The following VPS51 variants were observed in gnomAD, a reference collection of about 807,000 sequenced individuals.
VPS51 encodes vacuolar protein sorting-associated protein 51 homolog.
In VPS51, 55 loss-of-function variants were observed where a neutral mutation model predicts 65.1. The observed-to-expected ratio is 0.84, with a 90% CI of 0.68 to 1.06. The LOEUF (loss-of-function observed/expected upper bound fraction) is 1.06, where lower values mean the gene tolerates loss of function less well. Ranked by LOEUF, VPS51 falls within the 50% of genes least tolerant of loss-of-function variation. The pLI, the probability that VPS51 is intolerant of heterozygous loss-of-function variation, is 0.00. For synonymous variants in VPS51, 473 were observed against 489.5 expected (o/e 0.97, Z 0.44); for missense variants, 943 against 1,101.6 (o/e 0.86, Z 2.04).
chr11:65,096,234 G>T lies in VPS51; in HGVS notation c.-17G>T. The T allele has an allele frequency of 6.5e-7, 1 of 1,526,796 alleles. No individual in the cohort carries two copies. The highest frequency in any genetic ancestry group is 1.2e-5 in the South Asian group (1 of 82,866). The allele number at this position is 1,526,796 out of a possible 1,614,324, so 94.6% of individuals were successfully genotyped here. ...CCTTCCTTTCCAGCCTCACGCCCGT[G>T]GGCTGCAGTTGGAACGATGGCGGCG... On this transcript the variant is annotated 5_prime_UTR_variant, in exon 1 of 10. Transcript: ENST00000279281.
chr11:65,096,953 C>T (rs767645867), intron 1 of VPS51, 45 bp from the exon 2 acceptor site: 1 of 1,609,050 alleles, frequency 6.2e-7, no homozygotes, highest in East Asian at 2.2e-5. Flanking sequence ...GGCTGGGGGA[C>T]ATGAATGCCT....
chr11:65,104,535 A>G (rs1947829542), intron 2 of VPS51, among the ~76,000 whole-genome samples: 1 of 152,244 alleles, frequency 6.6e-6, no homozygotes, highest in African/African-American at 2.4e-5. Context: ...GCAAATTATT[A>G]TGAGATCCTC....
intron 2 of VPS51, among the ~76,000 whole-genome samples, chr11:65,098,837 A>C (rs1947788614): frequency 6.6e-6 from 1 of 152,210 alleles, no homozygotes; most frequent in African/African-American, 2.4e-5. Context: ...TACATCCCAC[A>C]AAAGGAACAA....
Position 65,096,320 on chromosome 11 carries a change from G to C in VPS51, c.70G>C (p.Gly24Arg), listed in dbSNP as rs1466973145. The change falls in exon 1 of 10, where the codon GGG becomes CGG. Residue 24 changes from glycine to arginine, a missense_variant. Physicochemically the swap from Gly to Arg is moderately radical, Grantham distance 125 (BLOSUM62 -2). This residue lies in a region of VPS51 where 855 missense variants were observed against 953.7 expected (regional missense o/e 0.90). Transcript: ENST00000279281. ...TGGGGACTCCCCAGAAGGGCCCGAG[G>C]GGGAGGCTCCGGAGCGTCGGCGGAA... ...GPGDSPEGPE[G>R]EAPERRRKAH... 2 of 1,510,590 alleles carry C rather than the reference G, an allele frequency of 1.3e-6. No individual in the cohort carries two copies. The highest frequency in any genetic ancestry group is 1.3e-5 in the South Asian group (1 of 79,664). 93.6% of individuals were successfully genotyped at this position (1,510,590 alleles called of 1,614,324 possible). A position where few individuals can be genotyped will look rare whatever the true frequency, so the allele number is the denominator to read the frequency against.
Position 65,111,576 on chromosome 11 carries a change from G to C in VPS51, c.2338G>C (p.Glu780Gln). The change falls in exon 10 of 10, where the codon GAG (glutamate) becomes CAG (glutamine). Residue 780 changes from glutamate to glutamine, a missense_variant. Physicochemically the swap from Glu to Gln is conservative, Grantham distance 29 (BLOSUM62 2). Coordinates refer to ENST00000279281, the MANE Select transcript of VPS51 (RefSeq NM_013265.4). ...GCCCAGTGTGGTTGAGGTCATCTGCGAGCGCGGCTAGGCGCAGCCGCTGCC... is the reference window on the plus strand; with the variant it reads ...GCCCAGTGTGGTTGAGGTCATCTGCCAGCGCGGCTAGGCGCAGCCGCTGCC... ...MEPSVVEVIC[E>Q]RG 6.2e-7 allele frequency: 1 copy of C among 1,606,648 alleles called. No individual in the cohort carries two copies.
intron 2 of VPS51, 40 bp downstream of exon 2, chr11:65,097,167 C>A: frequency 1.2e-6 from 2 of 1,612,062 alleles, no homozygotes; most frequent in Non-Finnish European, 1.7e-6. Flanking sequence ...GTCTCACAGC[C>A]CCCATTCTCC....
At chr11:65,097,286 C>T in intron 2 of VPS51, 159 bp downstream of exon 2, 1 of 1,116,362 alleles carries the variant, frequency 9.0e-7, no homozygotes. Flanking sequence ...CCTTCGTTGT[C>T]AGACTACTAT....
Position 65,108,903 on chromosome 11 carries a change from C to T in VPS51, c.1432C>T (p.Pro478Ser). 6.2e-7 allele frequency: 1 copy of T among 1,613,032 alleles called. No individual in the cohort carries two copies. The highest frequency in any genetic ancestry group is 1.1e-5 in the South Asian group (1 of 91,084). Residue 478 changes from proline (P) to serine (S), a missense_variant, in exon 5 of 10, where the codon CCC becomes TCC. Pro to Ser is a moderately conservative substitution (Grantham distance 74). Coordinates refer to ENST00000279281, the MANE Select transcript of VPS51 (RefSeq NM_013265.4). ...CAAAGAGGTGTCCTTCTCCAACAAG[C>T]CCTACTTCCGGGTACGCCTCCTCTT... ...TAKEVSFSNK[P>S]YFRGEFCSQG...
At chr11:65,098,607 C>T (rs1947786583) in intron 2 of VPS51, among the ~76,000 whole-genome samples, 1 of 152,160 alleles carries the variant, frequency 6.6e-6, no homozygotes. Flanking sequence ...GTCTTACTCT[C>T]GTGTCACAGT....
intron 2 of VPS51, among the ~76,000 whole-genome samples, chr11:65,098,702 C>G (rs1947787651): frequency 6.6e-6 from 1 of 152,178 alleles, no homozygotes; most frequent in South Asian, 2.1e-4. Flanking sequence ...TTAGCTAATA[C>G]CAGCATCAAA....
intron 2 of VPS51, among the ~76,000 whole-genome samples, chr11:65,100,803 C>T (rs1018012774): frequency 6.6e-6 from 1 of 152,104 alleles, no homozygotes; most frequent in African/African-American, 2.4e-5. Context: ...GCCTCGGCTT[C>T]CCAAAGTACT....
chr11:65,109,345 GA>G lies in VPS51; in HGVS notation c.1510del (p.Thr504ArgfsTer55). ...TGGGCTTCGTCCACTCTATGTGCCA[GA>G]CGGCTCAGAGCTTCTGCGACAGCCC... Reference protein sequence around the residue: ...IVGFVHSMCQTAQSFCDSPGE... With the variant: ...IVGFVHSMCQXAQSFCDSPGE... On this transcript the variant is annotated frameshift_variant, in exon 6 of 10. Coordinates refer to ENST00000279281, the MANE Select transcript of VPS51 (RefSeq NM_013265.4). LOFTEE classifies it high-confidence loss of function. 6.2e-7 allele frequency: 1 copy of G among 1,613,624 alleles called. No homozygotes were observed. The highest frequency in any genetic ancestry group is 2.2e-5 in the East Asian group (1 of 44,884).
At chr11:65,097,940 G>A (rs962406199) in intron 2 of VPS51, among the ~76,000 whole-genome samples, 3 of 152,184 alleles carry the variant, frequency 2.0e-5, no homozygotes, top group African/African-American at 7.2e-5. Flanking sequence ...CCAGCACTTT[G>A]GGAGGCCGAG....
At position 65,110,529 on chromosome 11, in the gene VPS51, C is replaced by T; in HGVS notation, c.1926C>T (p.Asp642=). 2.5e-6 allele frequency: 4 copies of T among 1,614,044 alleles called. No homozygotes were observed. The highest frequency in any genetic ancestry group is 3.4e-6 in the Non-Finnish European group (4 of 1,180,012). The change falls in exon 8 of 10, where the codon GAC becomes GAT. Residue 642 remains aspartate (D), a synonymous_variant. Transcript: ENST00000279281. ...GTGTTCGCAAGGCCCAGAGCAGCGA[C>T]TCCAGCAAGAGGACTTTCTCCGTGT... ...EEGVRKAQSS[D]SSKRTFSVYS... is the part of the protein sequence containing the mutation.
chr11:65,106,941 A>G (rs546831189), intron 2 of VPS51, among the ~76,000 whole-genome samples: 2 of 152,166 alleles, frequency 1.3e-5, no homozygotes, highest in Non-Finnish European at 2.9e-5. Flanking sequence ...GCTTGATGGC[A>G]TGGTCTTCCT....
Position 65,111,316 on chromosome 11 carries a change from C to T in VPS51, c.2089-11C>T, listed in dbSNP as rs762317101. The T allele has an allele frequency of 1.4e-5, 22 of 1,601,068 alleles. No homozygotes were observed. Among genetic ancestry groups the T allele is most frequent in the Non-Finnish European group, 1.9e-5 (22 of 1,179,678 alleles). On this transcript the variant is annotated splice_polypyrimidine_tract_variant and intron_variant, in intron 9 of 9. Coordinates refer to ENST00000279281, the MANE Select transcript of VPS51 (RefSeq NM_013265.4). ...AGTCCCCAAGCTGCATCCCTGTGTC[C>T]CTGCCTGCAGGTGTCGGTGCTGACC...
chr11:65,111,239 T>C, intron 9 of VPS51, 88 bp from the exon 10 acceptor site: 1 of 1,575,414 alleles, frequency 6.3e-7, no homozygotes, highest in African/African-American at 1.3e-5. Context: ...ACTTCCATCG[T>C]ATGTCTCCCG....
rs560973478 is a variant in VPS51 at position 65,110,202 on chromosome 11, A to G, written c.1878+279A>G. The G allele has an allele frequency of 1.3e-5, 8 of 627,184 alleles. No homozygotes were observed. The Admixed American group carries it at 1.5e-4, about 12-fold the overall frequency. The allele number at this position is 627,184 out of a possible 1,614,324, so 38.9% of individuals were successfully genotyped here. A position where few individuals can be genotyped will look rare whatever the true frequency, so the allele number is the denominator to read the frequency against. On this transcript the variant is annotated intron_variant, in intron 7 of 9. Coordinates refer to ENST00000279281, the MANE Select transcript of VPS51 (RefSeq NM_013265.4). Reference sequence around the variant, plus strand: ...ATTATGACATCTTCGCCCCTATTTTACCTGTGGAGAAGCAGAGGCTCAGGG... The same window carrying G: ...ATTATGACATCTTCGCCCCTATTTTGCCTGTGGAGAAGCAGAGGCTCAGGG...
chr11:65,102,552 G>C (rs1448591984), intron 2 of VPS51, among the ~76,000 whole-genome samples: 6 of 152,250 alleles, frequency 3.9e-5, no homozygotes, highest in African/African-American at 1.4e-4. Flanking sequence ...CTTCCTTCTT[G>C]AGGTAGCCCC....
Sources: allele counts gnomAD v4.1 joint callset (sites outside exome capture counted in the v4.1 genomes callset), GRCh38; gene constraint gnomAD v4.1.1; regional missense constraint gnomAD v4.1.1; transcripts MANE v1.5; gene names NCBI Gene and HGNC (gene_info 2026-07-23, HGNC 2026-07-21).